The following DOK6 variants were observed in gnomAD, a reference collection of about 807,000 sequenced individuals.
DOK6 encodes the protein docking protein 6, also known as downstream of tyrosine kinase 6.
Under a neutral mutation model 44.0 loss-of-function variants are expected in DOK6, and 22 were observed. The observed-to-expected ratio is 0.50, with a 90% confidence interval of 0.36 to 0.71. The LOEUF is 0.71. Among genes scored for constraint, DOK6 ranks in the 30% least tolerant of loss-of-function variants. The pLI, the probability that DOK6 is intolerant of heterozygous loss-of-function variation, is 0.00. For synonymous variants in DOK6, 166 were observed against 145.5 expected, an observed-to-expected ratio of 1.14 and a Z score of -1.01; for missense variants, 340 against 416.4, an observed-to-expected ratio of 0.82 and a Z score of 1.60.
chr18:69,557,785 A>T (rs1379226527), intron 1 of DOK6, among the ~76,000 whole-genome samples: 1 of 152,140 alleles, frequency 6.6e-6, no homozygotes, highest in African/African-American at 2.4e-5. Flanking sequence ...AGCATCCTGA[A>T]ATGATGGGGA....
intron 6 of DOK6, among the ~76,000 whole-genome samples, chr18:69,754,387 T>G (rs1979288390): frequency 6.6e-6 from 1 of 150,918 alleles, no homozygotes; most frequent in African/African-American, 2.4e-5. Flanking sequence ...CAAGAGTGCT[T>G]GAAATACTGT....
At chr18:69,693,922 G>A (rs901253414) in intron 4 of DOK6, among the ~76,000 whole-genome samples, 11 of 151,816 alleles carry the variant, frequency 7.2e-5, no homozygotes, top group South Asian at 2.1e-4. Context: ...AGCCGGGCGT[G>A]GTGGCGGGCG....
chr18:69,531,601 A>G (rs181176475), intron 1 of DOK6, among the ~76,000 whole-genome samples: 2 of 152,146 alleles, frequency 1.3e-5, no homozygotes, highest in African/African-American at 4.8e-5. Context: ...CAGAACCTGT[A>G]GTTCACGAAA....
At chr18:69,605,589 A>G (rs1599217452) in intron 3 of DOK6, among the ~76,000 whole-genome samples, 1 of 152,224 alleles carries the variant, frequency 6.6e-6, no homozygotes, top group East Asian at 1.9e-4. Context: ...AATAAAAGGT[A>G]GTATAATTTT....
chr18:69,600,607 G>A (rs1425697680), intron 3 of DOK6, among the ~76,000 whole-genome samples: 1 of 151,952 alleles, frequency 6.6e-6, no homozygotes, highest in African/African-American at 2.4e-5. Context: ...CCTGTCAGCT[G>A]TCTTAAAACT....
At chr18:69,743,305 C>T (rs1978866622) in intron 6 of DOK6, among the ~76,000 whole-genome samples, 2 of 152,174 alleles carry the variant, frequency 1.3e-5, no homozygotes, top group Admixed American at 6.5e-5. Flanking sequence ...TTCTTGTTCT[C>T]AGAGCTAGCA....
chr18:69,669,873 G>A (rs72963427), intron 3 of DOK6, among the ~76,000 whole-genome samples: 23,846 of 151,938 alleles, frequency 0.16, 1,958 homozygotes, highest in Middle Eastern at 0.27. Context: ...ATTAATTAGC[G>A]TGCTTGGAAG....
intron 1 of DOK6, among the ~76,000 whole-genome samples, chr18:69,521,426 C>T (rs968366554): frequency 2.1e-5 from 3 of 145,816 alleles, no homozygotes; most frequent in African/African-American, 7.6e-5. Context: ...GCATCCAATG[C>T]CTTAAATTTT....
chr18:69,815,494 A>G (rs1284218848), intron 7 of DOK6, among the ~76,000 whole-genome samples: 2 of 152,336 alleles, frequency 1.3e-5, no homozygotes, highest in East Asian at 3.9e-4. Flanking sequence ...ACCCATCTGC[A>G]GTGTCAACGT....
intron 1 of DOK6, among the ~76,000 whole-genome samples, chr18:69,408,459 G>A (rs980244064): frequency 3.3e-5 from 5 of 150,678 alleles, no homozygotes; most frequent in African/African-American, 9.8e-5. Context: ...AAAAAATAGA[G>A]CACCTTTCAA....
intron 4 of DOK6, among the ~76,000 whole-genome samples, chr18:69,685,440 T>C (rs1202279139): frequency 6.6e-6 from 1 of 152,158 alleles, no homozygotes; most frequent in Non-Finnish European, 1.5e-5. Context: ...TTTCAGAGGA[T>C]TGTTGTGAGG....
chr18:69,813,908 AT>A (rs1160434385), intron 7 of DOK6, among the ~76,000 whole-genome samples: 1 of 152,178 alleles, frequency 6.6e-6, no homozygotes, highest in African/African-American at 2.4e-5. Flanking sequence ...TCTCAATGCT[AT>A]TTTCAGAATT....
At position 69,411,626 on chromosome 18, in the gene DOK6, A is replaced by G. The variant is rs74397483; in HGVS notation, c.66+10316A>G. On this transcript the variant is annotated intron_variant, in intron 1 of 7. Transcript: ENST00000382713. ...TCTGTCTGCTTTTAACATGTTCTTT[A>G]TCTTTGGTTTTCAGGAGTTTTGTTA... Among the ~76,000 whole-genome samples the G allele has an allele frequency of 7.8e-3, 1,181 of 152,118 alleles. 21 individuals carry two copies. Among genetic ancestry groups the G allele is most frequent in the African/African-American group, 0.027 (1,121 of 41,514 alleles).
At chr18:69,670,792 G>T (rs1985779309) in intron 3 of DOK6, among the ~76,000 whole-genome samples, 1 of 152,082 alleles carries the variant, frequency 6.6e-6, no homozygotes, top group Non-Finnish European at 1.5e-5. Flanking sequence ...GTGGGCATGA[G>T]CCACCGTGCC....
At position 69,541,504 on chromosome 18, in the gene DOK6, AG is replaced by A. The variant is rs961412771; in HGVS notation, c.67-22982del. 3.3e-5 allele frequency among the ~76,000 whole-genome samples: 5 copies of A among 151,474 alleles called. 1 individual carries two copies. The highest frequency in any genetic ancestry group is 7.4e-5 in the Non-Finnish European group (5 of 67,696). On this transcript the variant is annotated intron_variant, in intron 1 of 7. Transcript: ENST00000382713. Reference sequence around the variant, plus strand: ...ATATTTTATTGGAGATAGGTATGAAAGTGTTATTAATGTATATAATTGCATG... The same window carrying A: ...ATATTTTATTGGAGATAGGTATGAAATGTTATTAATGTATATAATTGCATG...
chr18:69,707,498 GC>G (rs565109585), intron 5 of DOK6, among the ~76,000 whole-genome samples: 5 of 152,122 alleles, frequency 3.3e-5, no homozygotes, highest in South Asian at 2.1e-4. Flanking sequence ...CTATTTCAGT[GC>G]CCTGTATCTT....
At chr18:69,512,332 C>CTTCTTCTTTTT (rs59109570) in intron 1 of DOK6, among the ~76,000 whole-genome samples, 1 of 91,690 alleles carries the variant, frequency 1.1e-5, no homozygotes, top group East Asian at 3.6e-4. Context: ...CTTTCTTCTT[C>CTTCTTCTTTTT]TTTTTTTTTT....
At chr18:69,718,100 T>G (rs1381109468) in intron 5 of DOK6, among the ~76,000 whole-genome samples, 2 of 152,248 alleles carry the variant, frequency 1.3e-5, no homozygotes, top group African/African-American at 4.8e-5. Flanking sequence ...CAACAGCTGA[T>G]GAGGACAGCA....
At position 69,612,460 on chromosome 18, in the gene DOK6, T is replaced by TGTGTGCGAGGGCGCATGTGTGCGACGGC. The variant is rs1568311320; in HGVS notation, c.289+12963_289+12964insTGTGCGAGGGCGCATGTGTGCGACGGCG. On this transcript the variant is annotated intron_variant, in intron 3 of 7. Coordinates refer to ENST00000382713, the MANE Select transcript of DOK6 (RefSeq NM_152721.6). ...GTGCGAGGGCGCATGTGTGCGAGCG[T>TGTGTGCGAGGGCGCATGTGTGCGACGGC]GCATATGTATTTCTTGCTCTTTTCT... Among the ~76,000 whole-genome samples the TGTGTGCGAGGGCGCATGTGTGCGACGGC allele has an allele frequency of 3.6e-4, 28 of 77,626 alleles. 6 individuals carry two copies. Among genetic ancestry groups the TGTGTGCGAGGGCGCATGTGTGCGACGGC allele is most frequent in the African/African-American group, 1.4e-3 (26 of 19,090 alleles). The allele number at this position is 77,626 out of a possible 152,430, so 50.9% of individuals were successfully genotyped here.
Sources: allele counts gnomAD v4.1 joint callset (sites outside exome capture counted in the v4.1 genomes callset), GRCh38; gene constraint gnomAD v4.1.1; transcripts MANE v1.5; gene names NCBI Gene and HGNC (gene_info 2026-07-23, HGNC 2026-07-21).